The following SMYD3 variants were observed in gnomAD, a reference collection of about 807,000 sequenced individuals.
SMYD3 encodes the protein SET and MYND domain containing 3, also known as histone-lysine N-methyltransferase SMYD3.
A neutral mutation model predicts 57.7 loss-of-function variants in SMYD3; 36 were observed. The observed-to-expected ratio is 0.62, with a 90% CI of 0.48 to 0.82. The LOEUF is 0.82. Among genes scored for constraint, SMYD3 ranks in the 40% least tolerant of loss-of-function variants. The probability of loss-of-function intolerance (pLI) is 0.00; values close to 1 mark genes in which losing one functional copy is unlikely to be tolerated. For missense variants in SMYD3, 515 were observed against 538.8 expected (o/e 0.96, Z 0.44); for synonymous variants, 211 against 195.0 (o/e 1.08, Z -0.68).
At chr1:246,326,836 C>A in intron 5 of SMYD3, 1 of 289,200 alleles carries the variant, frequency 3.5e-6, no homozygotes, top group Non-Finnish European at 6.3e-6. Context: ...TATGCTTAAA[C>A]AACCACCATA....
chr1:245,867,923 G>A (rs999678345), intron 8 of SMYD3, among the ~76,000 whole-genome samples: 1 of 152,250 alleles, frequency 6.6e-6, no homozygotes, highest in African/African-American at 2.4e-5. Context: ...AGCATGGCCA[G>A]AGCTTGTGGA....
chr1:246,399,969 GC>G (rs2066741030), intron 1 of SMYD3, among the ~76,000 whole-genome samples: 1 of 152,074 alleles, frequency 6.6e-6, no homozygotes, highest in East Asian at 1.9e-4. Flanking sequence ...ACATTAGCAA[GC>G]CATTAAACAA....
Position 246,054,894 on chromosome 1 carries a change from G to A in SMYD3, c.532-124957C>T, listed in dbSNP as rs866989538. On this transcript the variant is annotated intron_variant, in intron 5 of 11. Coordinates refer to ENST00000490107, the MANE Select transcript of SMYD3 (RefSeq NM_001167740.2). The stretch of plus-strand genomic sequence containing the variant: ...ACTATAAAAAAAAAAAAAAAAAAAA[G>A]GCCAGGTGCGGCGGCTCACGCCTGT... 1.6e-3 allele frequency among the ~76,000 whole-genome samples: 157 copies of A among 100,882 alleles called. 1 individual carries two copies. The Middle Eastern group carries it at 0.019, about 12-fold the overall frequency. The allele number at this position is 100,882 out of a possible 152,430, so 66.2% of individuals were successfully genotyped here. A position where few individuals can be genotyped will look rare whatever the true frequency, so the allele number is the denominator to read the frequency against.
chr1:246,243,704 GT>G (rs1039217705), intron 5 of SMYD3, among the ~76,000 whole-genome samples: 3 of 151,826 alleles, frequency 2.0e-5, no homozygotes, highest in Admixed American at 6.6e-5. Flanking sequence ...TATATCAAAT[GT>G]TTTGTTATGA....
intron 5 of SMYD3, among the ~76,000 whole-genome samples, chr1:246,171,531 T>C (rs190534317): frequency 2.0e-5 from 3 of 152,292 alleles, no homozygotes; most frequent in East Asian, 3.9e-4. Context: ...GTCAACATCA[T>C]AGACACACTA....
intron 5 of SMYD3, among the ~76,000 whole-genome samples, chr1:246,255,332 ATT>A (rs1299552653): frequency 2.0e-5 from 3 of 149,758 alleles, no homozygotes; most frequent in East Asian, 2.0e-4. Context: ...AATAATAATT[ATT>A]ATTATTATTA....
intron 7 of SMYD3, among the ~76,000 whole-genome samples, chr1:245,920,066 C>T (rs763914843): frequency 2.6e-5 from 4 of 151,426 alleles, no homozygotes; most frequent in Non-Finnish European, 5.9e-5. Flanking sequence ...GTAATCCCAG[C>T]ACTTTGGGAG....
intron 5 of SMYD3, among the ~76,000 whole-genome samples, chr1:246,323,502 A>G (rs1341965603): frequency 6.6e-6 from 1 of 152,150 alleles, no homozygotes; most frequent in Non-Finnish European, 1.5e-5. Flanking sequence ...CAAACTGCCA[A>G]CTTTTCAGGC....
chr1:246,304,255 C>A (rs1223873291), intron 5 of SMYD3, among the ~76,000 whole-genome samples: 3 of 152,128 alleles, frequency 2.0e-5, no homozygotes, highest in Non-Finnish European at 4.4e-5. Context: ...CTATATAGCA[C>A]ACGTACAAAA....
intron 2 of SMYD3, among the ~76,000 whole-genome samples, chr1:246,353,002 A>G (rs903335653): frequency 6.6e-6 from 1 of 152,210 alleles, no homozygotes; most frequent in Non-Finnish European, 1.5e-5. Context: ...AGAAACAAAT[A>G]GCTGAGCTTC....
At chr1:246,040,211 G>C (rs971839237) in intron 5 of SMYD3, among the ~76,000 whole-genome samples, 1 of 152,142 alleles carries the variant, frequency 6.6e-6, no homozygotes, top group East Asian at 1.9e-4. Context: ...ATACAACCGG[G>C]ATATTAATAA....
chr1:245,815,260 G>T (rs935022098), intron 10 of SMYD3, among the ~76,000 whole-genome samples: 3 of 152,220 alleles, frequency 2.0e-5, no homozygotes. Context: ...TTAACAAATG[G>T]AACGTGATAG....
intron 10 of SMYD3, among the ~76,000 whole-genome samples, chr1:245,776,933 G>A (rs2046630124): frequency 6.6e-6 from 1 of 152,184 alleles, no homozygotes; most frequent in Non-Finnish European, 1.5e-5. Flanking sequence ...CTGCTTTCAA[G>A]CTACAAGAGC....
At chr1:246,282,303 TACAAAAAAAAAA>T (rs1558374755) in intron 5 of SMYD3, among the ~76,000 whole-genome samples, 1 of 25,392 alleles carries the variant, frequency 3.9e-5, no homozygotes. Context: ...CCCTCATCTC[TACAAAAAAAAAA>T]AAAAAAAAAA....
At chr1:245,768,488 C>T (rs891361729) in intron 10 of SMYD3, among the ~76,000 whole-genome samples, 1 of 152,204 alleles carries the variant, frequency 6.6e-6, no homozygotes, top group African/African-American at 2.4e-5. Context: ...ACACAATTAC[C>T]AATCACATTA....
At chr1:246,162,267 G>A (rs1454405992) in intron 5 of SMYD3, among the ~76,000 whole-genome samples, 1 of 152,136 alleles carries the variant, frequency 6.6e-6, no homozygotes, top group Non-Finnish European at 1.5e-5. Context: ...GAACATTCTA[G>A]AACTAGGTTA....
Position 245,858,685 on chromosome 1 carries a change from A to AAT in SMYD3, c.902-16_902-15insAT. 6.2e-7 allele frequency: 1 copy of AAT among 1,606,516 alleles called. No individual in the cohort carries two copies. Among genetic ancestry groups the AAT allele is most frequent in the African/African-American group, 1.3e-5 (1 of 74,540 alleles). On this transcript the variant is annotated splice_polypyrimidine_tract_variant and intron_variant, in intron 9 of 11. Coordinates refer to ENST00000490107, the MANE Select transcript of SMYD3 (RefSeq NM_001167740.2). ...CTGCTCCCACTCTGTTATTAACCTT[A>AAT]GTTAAGGATTCATTGTCTTCATCAA...
chr1:245,986,216 AGG>A (rs2058701928), intron 5 of SMYD3, among the ~76,000 whole-genome samples: 1 of 152,126 alleles, frequency 6.6e-6, no homozygotes, highest in Non-Finnish European at 1.5e-5. Context: ...GAACTGAGAG[AGG>A]ACCCACTGAA....
rs575494346 is a variant in SMYD3 at position 245,882,264 on chromosome 1, G to A, written c.814-18378C>T. On this transcript the variant is annotated intron_variant, in intron 8 of 11. Transcript: ENST00000490107. ...TGAGGTCTTGACTTAACCTCATTCT[G>A]GCACGCTGCTTGGGAAACACTAGCT... Among the ~76,000 whole-genome samples the A allele has an allele frequency of 2.6e-5, 4 of 152,240 alleles. No individual in the cohort carries two copies. In the East Asian group the frequency reaches 7.7e-4, roughly 29 times the overall value.
Sources: allele counts gnomAD v4.1 joint callset (sites outside exome capture counted in the v4.1 genomes callset), GRCh38; gene constraint gnomAD v4.1.1; transcripts MANE v1.5; gene names NCBI Gene and HGNC (gene_info 2026-07-23, HGNC 2026-07-21).